MEI1: variants seen among roughly 807,000 people sequenced by gnomAD.
MEI1 encodes the protein meiotic double-stranded break formation protein 1.
MEI1 carries 103 observed loss-of-function variants against 146.2 expected under a neutral mutation model. That is an observed-to-expected ratio of 0.70 (90% CI 0.60 to 0.83). The LOEUF is 0.83. MEI1 is among the 40% of genes least tolerant of loss of function. The probability of loss-of-function intolerance (pLI) is 0.00; values close to 1 mark genes in which losing one functional copy is unlikely to be tolerated. For missense variants in MEI1, 1,529 were observed against 1,533.0 expected (o/e 1.00, Z 0.04); for synonymous variants, 652 against 628.2 (o/e 1.04, Z -0.57).
In MEI1 at chr22:41,743,290, A is replaced by T. The variant is rs1407621584; in HGVS notation, c.1446+96A>T. 7 of 847,430 alleles carry T rather than the reference A, an allele frequency of 8.3e-6. No homozygotes were observed. In the African/African-American group the frequency reaches 1.0e-4, roughly 12 times the overall value. The allele number at this position is 847,430 out of a possible 1,614,324, so 52.5% of individuals were successfully genotyped here. On this transcript the variant is annotated intron_variant, in intron 12 of 30. Coordinates refer to ENST00000401548, the MANE Select transcript of MEI1 (RefSeq NM_152513.4). ...TTCCCTTACTTTTGTATGCTATTTC[A>T]TGACTTTTTCTCATGCACACATGGC...
In MEI1 at chr22:41,784,408, G is replaced by T. The variant is rs1307202422; in HGVS notation, c.3157G>T (p.Ala1053Ser). ...TCTCAGCTTTCCAAAGAAAAAGGCT[G>T]CACTACTCTCAGGTATGGGTCCACA... is the stretch of plus-strand genomic sequence containing the variant. ...KALSFPKKKA[A>S]LLSAAILCFL... The change falls in exon 25 of 31, where the codon GCA (alanine) becomes TCA (serine). Residue 1053 changes from alanine (A) to serine (S), a missense_variant. Coordinates refer to ENST00000401548, the MANE Select transcript of MEI1 (RefSeq NM_152513.4). 3 of 1,613,946 alleles carry T rather than the reference G, an allele frequency of 1.9e-6. No homozygotes were observed. Among genetic ancestry groups the T allele is most frequent in the Non-Finnish European group, 2.5e-6 (3 of 1,179,876 alleles).
At position 41,799,429 on chromosome 22, in the gene MEI1, T is replaced by C. The variant is rs897830917; in HGVS notation, c.*130T>C. The C allele has an allele frequency of 4.7e-6, 4 of 854,104 alleles. No individual in the cohort carries two copies. The highest frequency in any genetic ancestry group is 2.8e-5 in the East Asian group (1 of 35,514). 52.9% of individuals were successfully genotyped at this position (854,104 alleles called of 1,614,324 possible). A position where few individuals can be genotyped will look rare whatever the true frequency, so the allele number is the denominator to read the frequency against. On this transcript the variant is annotated 3_prime_UTR_variant, in exon 31 of 31. Transcript: ENST00000401548. ...CATATACTCTATTGTTGAAATAGAA[T>C]AAGGAAATAAAATGATACACTCACA... is the stretch of plus-strand genomic sequence containing the variant.
chr22:41,787,863 C>G (rs979061228), intron 26 of MEI1, among the ~76,000 whole-genome samples: 1 of 152,204 alleles, frequency 6.6e-6, no homozygotes, highest in Non-Finnish European at 1.5e-5. Flanking sequence ...ATAACTACAT[C>G]TAATACCAAA....
At chr22:41,787,599 C>T (rs953038466) in intron 26 of MEI1, among the ~76,000 whole-genome samples, 25 of 152,120 alleles carry the variant, frequency 1.6e-4, no homozygotes, top group Non-Finnish European at 1.6e-4. Context: ...AGTATCTTGC[C>T]TGCTAGATAA....
rs756400695 is a variant in MEI1 at position 41,748,090 on chromosome 22, C to G, written c.1681-17C>G. ...TCAGTCCCCGTGGGCTGTGTTCTCTCTCCTGGTTCTTTGCAGAGACACTTG... is the reference window on the plus strand; with the variant it reads ...TCAGTCCCCGTGGGCTGTGTTCTCTGTCCTGGTTCTTTGCAGAGACACTTG... On this transcript the variant is annotated splice_polypyrimidine_tract_variant and intron_variant, in intron 14 of 30. Coordinates refer to ENST00000401548, the MANE Select transcript of MEI1 (RefSeq NM_152513.4). 1.3e-6 allele frequency: 2 copies of G among 1,590,724 alleles called. No individual in the cohort carries two copies. The highest frequency in any genetic ancestry group is 1.7e-5 in the Admixed American group (1 of 59,882).
intron 18 of MEI1, among the ~76,000 whole-genome samples, chr22:41,761,393 C>T (rs1221115821): frequency 6.7e-6 from 1 of 149,984 alleles, no homozygotes; most frequent in Non-Finnish European, 1.5e-5. Flanking sequence ...CGGCTCACTG[C>T]AAGCTCTGCC....
intron 22 of MEI1, among the ~76,000 whole-genome samples, 179 bp from the exon 23 acceptor site, chr22:41,781,105 G>A (rs1258495659): frequency 6.6e-6 from 1 of 152,196 alleles, no homozygotes; most frequent in African/African-American, 2.4e-5. Context: ...CTAGATGGAG[G>A]GTGTGAATGT....
chr22:41,723,054 A>G (rs2071009039), intron 6 of MEI1, among the ~76,000 whole-genome samples: 1 of 151,966 alleles, frequency 6.6e-6, no homozygotes, highest in African/African-American at 2.4e-5. Flanking sequence ...CACTTCACCT[A>G]CTTTTACGTA....
chr22:41,781,250 C>A, intron 22 of MEI1, 34 bp from the exon 23 acceptor site: 1 of 1,521,882 alleles, frequency 6.6e-7, no homozygotes. Context: ...GAGTGTTTTG[C>A]GACAGGCCGA....
chr22:41,781,216 C>A, intron 22 of MEI1, 68 bp from the exon 23 acceptor site: 2 of 1,130,492 alleles, frequency 1.8e-6, no homozygotes, highest in Non-Finnish European at 2.6e-6. Flanking sequence ...TAGCCAGTCG[C>A]AGGCTACCAC....
At chr22:41,734,605 A>G (rs922052184) in intron 11 of MEI1, among the ~76,000 whole-genome samples, 2 of 152,190 alleles carry the variant, frequency 1.3e-5, no homozygotes, top group African/African-American at 4.8e-5. Flanking sequence ...AAAACAAACA[A>G]ACAAACAATG....
At chr22:41,722,557 A>T (rs1380950084) in intron 6 of MEI1, among the ~76,000 whole-genome samples, 2 of 143,576 alleles carry the variant, frequency 1.4e-5, no homozygotes, top group Non-Finnish European at 3.0e-5. Flanking sequence ...CTCAAGCCTC[A>T]TCTCTCACTT....
At chr22:41,708,309 G>A (rs369887143) in intron 3 of MEI1, among the ~76,000 whole-genome samples, 1 of 151,822 alleles carries the variant, frequency 6.6e-6, no homozygotes, top group African/African-American at 2.4e-5. Context: ...AATGGTGTTT[G>A]TTCTATGTAT....
intron 26 of MEI1, among the ~76,000 whole-genome samples, chr22:41,785,236 TTTTATTTTA>T: frequency 7.2e-6 from 1 of 138,072 alleles, no homozygotes; most frequent in East Asian, 2.1e-4. Context: ...CGCCTGGCAT[TTTTATTTTA>T]TTTATTTATT....
At chr22:41,733,152 T>C (rs2072017906) in intron 11 of MEI1, among the ~76,000 whole-genome samples, 1 of 150,896 alleles carries the variant, frequency 6.6e-6, no homozygotes, top group Non-Finnish European at 1.5e-5. Flanking sequence ...TATTATTCCC[T>C]AAACAATACA....
At position 41,780,507 on chromosome 22, in the gene MEI1, C is replaced by T. The variant is rs80000454; in HGVS notation, c.2816-777C>T. On this transcript the variant is annotated intron_variant, in intron 22 of 30. Coordinates refer to ENST00000401548, the MANE Select transcript of MEI1 (RefSeq NM_152513.4). ...TGAGGCCTGGGAGAATGCAGAAGCA[C>T]ATCTAATCTTGCCTTGAGAGGTTAA... Among the ~76,000 whole-genome samples, 628 of 151,366 alleles carry T rather than the reference C, an allele frequency of 4.1e-3. 5 individuals are homozygous for T. The highest frequency in any genetic ancestry group is 0.014 in the African/African-American group (588 of 41,202).
intron 21 of MEI1, among the ~76,000 whole-genome samples, chr22:41,776,782 GTATT>G (rs67064482): frequency 0.19 from 29,285 of 151,560 alleles, 7,643 homozygotes; most frequent in African/African-American, 0.6. Flanking sequence ...TTATTTTATT[GTATT>G]TATTTATTTT....
At chr22:41,744,097 G>A (rs1235356541) in intron 12 of MEI1, among the ~76,000 whole-genome samples, 3 of 151,536 alleles carry the variant, frequency 2.0e-5, no homozygotes, top group East Asian at 1.9e-4. Context: ...GGCTGGTCTC[G>A]AACTCCTGAC....
intron 1 of MEI1, among the ~76,000 whole-genome samples, chr22:41,702,991 T>TA (rs2068828618): frequency 6.6e-6 from 1 of 152,200 alleles, no homozygotes; most frequent in Non-Finnish European, 1.5e-5. Context: ...GTGCTGGAAT[T>TA]ACAGGTGTGA....
Sources: allele counts gnomAD v4.1 joint callset (sites outside exome capture counted in the v4.1 genomes callset), GRCh38; gene constraint gnomAD v4.1.1; transcripts MANE v1.5; gene names NCBI Gene and HGNC (gene_info 2026-07-23, HGNC 2026-07-21).